The following CAP2 variants were observed in gnomAD, a reference collection of about 807,000 sequenced individuals.
CAP2 encodes the protein adenylyl cyclase-associated protein 2.
CAP2 carries 24 observed loss-of-function variants against 57.7 expected under a neutral mutation model. The observed-to-expected ratio is 0.42, with a 90% CI of 0.30 to 0.58. The LOEUF (loss-of-function observed/expected upper bound fraction) is 0.58, where lower values mean the gene tolerates loss of function less well. CAP2 is among the 20% of genes least tolerant of loss of function. The probability of loss-of-function intolerance (pLI) is 0.22; values close to 1 mark genes in which losing one functional copy is unlikely to be tolerated. For missense variants in CAP2, 501 were observed against 590.3 expected (o/e 0.85, Z 1.57); for synonymous variants, 194 against 207.2 (o/e 0.94, Z 0.55).
chr6:17,500,340 AATATATATATATATATATATATATATAT>A (rs4052821), intron 4 of CAP2, among the ~76,000 whole-genome samples: 2,781 of 33,152 alleles, frequency 0.084, 309 homozygotes, highest in Middle Eastern at 0.24. Context: ...TGTGTGTCCA[AATATATATATATATATATATATATATAT>A]ATATATATAT....
At chr6:17,498,345 C>T (rs188393987) in intron 4 of CAP2, among the ~76,000 whole-genome samples, 18 of 152,246 alleles carry the variant, frequency 1.2e-4, no homozygotes, top group African/African-American at 3.9e-4. Flanking sequence ...GTAATGACAA[C>T]GTAGATTATT....
intron 4 of CAP2, among the ~76,000 whole-genome samples, chr6:17,486,523 T>C (rs1032981026): frequency 3.0e-4 from 46 of 152,190 alleles, no homozygotes; most frequent in African/African-American, 8.9e-4. Context: ...GGAGGATCAC[T>C]GGAGCCCAGG....
intron 4 of CAP2, among the ~76,000 whole-genome samples, chr6:17,488,731 G>C (rs1761479113): frequency 6.6e-6 from 1 of 152,158 alleles, no homozygotes; most frequent in Non-Finnish European, 1.5e-5. Context: ...TCACATCAGA[G>C]CATCTCCTTA....
intron 1 of CAP2, among the ~76,000 whole-genome samples, chr6:17,400,933 C>T (rs1488034685): frequency 6.6e-6 from 1 of 150,450 alleles, no homozygotes; most frequent in South Asian, 2.1e-4. Context: ...GCAACAAGAA[C>T]AGTTAAATTG....
chr6:17,527,105 G>C (rs1248351009), intron 7 of CAP2, among the ~76,000 whole-genome samples: 1 of 152,054 alleles, frequency 6.6e-6, no homozygotes, highest in Non-Finnish European at 1.5e-5. Flanking sequence ...CTTTCTAACA[G>C]CTATTGTTTT....
At chr6:17,409,889 T>G (rs998423854) in intron 1 of CAP2, among the ~76,000 whole-genome samples, 11 of 152,170 alleles carry the variant, frequency 7.2e-5, no homozygotes, top group African/African-American at 2.4e-4. Flanking sequence ...TTAGATCTTC[T>G]TCAACCCGCT....
intron 1 of CAP2, among the ~76,000 whole-genome samples, chr6:17,419,457 A>G (rs1340692387): frequency 6.6e-6 from 1 of 152,190 alleles, no homozygotes; most frequent in Non-Finnish European, 1.5e-5. Context: ...TGATTTTGCC[A>G]AAAGCAACCA....
chr6:17,434,861 G>A (rs1759830333), intron 3 of CAP2, among the ~76,000 whole-genome samples: 1 of 150,874 alleles, frequency 6.6e-6, no homozygotes, highest in Admixed American at 6.6e-5. Context: ...CCATCAAAAA[G>A]TGGGCGAAGG....
intron 1 of CAP2, among the ~76,000 whole-genome samples, chr6:17,405,479 A>G (rs557871970): frequency 4.0e-5 from 6 of 151,164 alleles, no homozygotes; most frequent in African/African-American, 1.5e-4. Flanking sequence ...TACCATAATA[A>G]AGGTTATGTG....
intron 4 of CAP2, among the ~76,000 whole-genome samples, chr6:17,483,520 G>T (rs1261838463): frequency 6.6e-6 from 1 of 152,144 alleles, no homozygotes; most frequent in East Asian, 1.9e-4. Context: ...GTGCAGACAA[G>T]GTGACGTCAA....
At chr6:17,491,938 G>T (rs186676925) in intron 4 of CAP2, among the ~76,000 whole-genome samples, 15 of 152,342 alleles carry the variant, frequency 9.8e-5, no homozygotes, top group Admixed American at 3.9e-4. Flanking sequence ...TCAGATTTCT[G>T]CGGGCTTCCT....
rs922216600 is a variant in CAP2, at chr6:17,483,875, G to A, written c.300+20802G>A. On this transcript the variant is annotated intron_variant, in intron 4 of 12. Transcript: ENST00000229922. The stretch of plus-strand genomic sequence containing the variant: ...AGGAGCACTCATGAACTCTGCACAC[G>A]AGCACCCTGAAAAAACCCAGAGGAG... 2.0e-5 allele frequency among the ~76,000 whole-genome samples: 3 copies of A among 151,848 alleles called. No homozygotes were observed. The South Asian group carries it at 6.2e-4, about 32-fold the overall frequency.
At chr6:17,470,075 T>G (rs1760979318) in intron 4 of CAP2, among the ~76,000 whole-genome samples, 1 of 152,238 alleles carries the variant, frequency 6.6e-6, no homozygotes, top group African/African-American at 2.4e-5. Context: ...TTGGGCCTAC[T>G]TGGATTTGAA....
chr6:17,532,059 T>C (rs1762655475), intron 7 of CAP2, among the ~76,000 whole-genome samples: 1 of 152,068 alleles, frequency 6.6e-6, no homozygotes, highest in South Asian at 2.1e-4. Context: ...TTCAATTCAC[T>C]TTTAATCCAA....
At chr6:17,491,713 A>T (rs976286565) in intron 4 of CAP2, among the ~76,000 whole-genome samples, 8 of 152,208 alleles carry the variant, frequency 5.3e-5, no homozygotes, top group Non-Finnish European at 2.9e-5. Flanking sequence ...TTCTAGCCAG[A>T]TGATCTTGGG....
At chr6:17,405,549 GTGCTCACCTATAT>G (rs1438717433) in intron 1 of CAP2, among the ~76,000 whole-genome samples, 1 of 151,084 alleles carries the variant, frequency 6.6e-6, no homozygotes, top group Admixed American at 6.6e-5. Context: ...TTATTGTACT[GTGCTCACCTATAT>G]TTGGACCATT....
In CAP2 at chr6:17,551,471, G is replaced by A. The variant is rs1377656502; in HGVS notation, c.1217G>A (p.Gly406Glu). Reference protein sequence around the residue: ...NSQDIQIQVMGRVPTISINKT... With the variant: ...NSQDIQIQVMERVPTISINKT... ...TATTTTTTCCTATTTCAGGTAATGG[G>A]GAGAGTGCCAACAATTTCCATTAAT... The change falls in exon 12 of 13, where the codon GGG (glycine) becomes GAG (glutamate). Residue 406 changes from glycine (G) to glutamate (E), a missense_variant. By Grantham distance (98) the Gly-to-Glu change is moderately conservative. Transcript: ENST00000229922. 8.7e-6 allele frequency: 14 copies of A among 1,603,076 alleles called. No individual in the cohort carries two copies. The highest frequency in any genetic ancestry group is 1.1e-5 in the South Asian group (1 of 89,690).
At chr6:17,431,221 T>C (rs749501468) in intron 3 of CAP2, among the ~76,000 whole-genome samples, 3 of 152,140 alleles carry the variant, frequency 2.0e-5, no homozygotes, top group Non-Finnish European at 4.4e-5. Context: ...ACCTGGGCAA[T>C]GAAATAATCT....
intron 4 of CAP2, among the ~76,000 whole-genome samples, chr6:17,465,269 T>G (rs1760832820): frequency 6.6e-6 from 1 of 152,182 alleles, no homozygotes. Context: ...CCTAACTCAT[T>G]GTAGTCTCAA....
Sources: allele counts gnomAD v4.1 joint callset (sites outside exome capture counted in the v4.1 genomes callset), GRCh38; gene constraint gnomAD v4.1.1; transcripts MANE v1.5; gene names NCBI Gene and HGNC (gene_info 2026-07-23, HGNC 2026-07-21).